The following SMARCC2 variants were observed in gnomAD, a reference collection of about 807,000 sequenced individuals.
The protein encoded by SMARCC2 is SWI/SNF complex subunit SMARCC2.
SMARCC2 carries 15 observed loss-of-function variants against 151.3 expected under a neutral mutation model. The observed-to-expected ratio is 0.10, with a 90% CI of 0.07 to 0.15. The LOEUF (loss-of-function observed/expected upper bound fraction) is 0.15. SMARCC2 is among the 10% of genes least tolerant of loss of function. SMARCC2 has a pLI of 1.00. For missense variants in SMARCC2, 1,031 were observed against 1,599.7 expected (o/e 0.64, Z 6.06); for synonymous variants, 590 against 609.5 (o/e 0.97, Z 0.47).
intron 11 of SMARCC2, among the ~76,000 whole-genome samples, chr12:56,180,271 G>T (rs1875910225): frequency 1.3e-5 from 2 of 150,736 alleles, no homozygotes; most frequent in Non-Finnish European, 3.0e-5. Context: ...ACCACGCTCA[G>T]CTAATTTTTT....
In SMARCC2 at chr12:56,181,803, G is replaced by A. The variant is rs1876262218; in HGVS notation, c.741C>T (p.Thr247=). ...VHAKWILDTD[T]FNEWMNEEDY... ...CTTCCTCATTCATCCATTCATTGAA[G>A]GTGTCGGTGTCCAGGATCCACTTTG... The change falls in exon 9 of 29, where the codon ACC becomes ACT. Residue 247 remains threonine (T), a synonymous_variant. Transcript: ENST00000550164. The A allele has an allele frequency of 1.2e-6, 2 of 1,614,090 alleles. No homozygotes were observed. The highest frequency in any genetic ancestry group is 2.7e-5 in the African/African-American group (2 of 75,016).
At chr12:56,163,848 G>T (rs1565888754) in intron 28 of SMARCC2, 83 bp from the exon 29 acceptor site, 1 of 904,558 alleles carries the variant, frequency 1.1e-6, no homozygotes, top group Non-Finnish European at 1.6e-6. Context: ...AGACAGAACC[G>T]GGCATGGCAT....
At chr12:56,170,110 G>A (rs372609484) in intron 23 of SMARCC2, 34 bp downstream of exon 23, 13 of 1,581,760 alleles carry the variant, frequency 8.2e-6, no homozygotes, top group Non-Finnish European at 8.7e-6. Flanking sequence ...AGTGCTGCAC[G>A]CAGCCCCTGC....
chr12:56,181,349 T>G, intron 10 of SMARCC2, 133 bp downstream of exon 10: 1 of 662,728 alleles, frequency 1.5e-6, no homozygotes, highest in Non-Finnish European at 2.6e-6. Context: ...TCATCTTCCC[T>G]CTCAGGACAC....
Position 56,164,505 on chromosome 12 carries a change from A to T in SMARCC2, c.3459T>A (p.His1153Gln), listed in dbSNP as rs1318168873. The T allele has an allele frequency of 6.2e-7, 1 of 1,613,944 alleles. No individual in the cohort carries two copies. Among genetic ancestry groups the T allele is most frequent in the Non-Finnish European group, 8.5e-7 (1 of 1,180,036 alleles). Residue 1153 changes from histidine (H) to glutamine (Q), a missense_variant, in exon 28 of 29, where the codon CAT becomes CAA. Around this residue, in one of 12 missense-constraint regions of SMARCC2, gnomAD observed 310 missense variants for 350.0 expected, o/e 0.89. Coordinates refer to ENST00000550164, the MANE Select transcript of SMARCC2 (RefSeq NM_001330288.2). ...APPNLHGHHH[H>Q]LPFAPGTLPP... is the part of the protein sequence containing the mutation. ...GGAGAGTGCCCGGGGCGAACGGGAG[A>T]TGGTGGTGATGCCCATGCAGGTTAG...
At chr12:56,179,586 C>G (rs1401107090) in intron 11 of SMARCC2, among the ~76,000 whole-genome samples, 1 of 152,138 alleles carries the variant, frequency 6.6e-6, no homozygotes, top group East Asian at 1.9e-4. Context: ...GACTGTAAAC[C>G]AGTATTGGTG....
intron 5 of SMARCC2, 22 bp from the exon 6 acceptor site, chr12:56,184,266 G>A (rs759004706): frequency 8.8e-6 from 14 of 1,587,276 alleles, no homozygotes; most frequent in Admixed American, 8.4e-5. Context: ...AAGGAGAAGC[G>A]GGTAAATTAT....
chr12:56,168,763 G>C (rs550074886), intron 25 of SMARCC2, among the ~76,000 whole-genome samples: 2 of 152,248 alleles, frequency 1.3e-5, no homozygotes, highest in East Asian at 3.9e-4. Flanking sequence ...CAGATCACTT[G>C]AGTCCAGGAG....
chr12:56,182,861 T>A (rs972717177), intron 7 of SMARCC2, among the ~76,000 whole-genome samples: 6 of 148,264 alleles, frequency 4.0e-5, no homozygotes, highest in African/African-American at 1.3e-4. Context: ...TGAGACAGGG[T>A]CTTGCTCTAT....
intron 14 of SMARCC2, 71 bp from the exon 15 acceptor site, chr12:56,178,164 A>C (rs528191528): frequency 2.4e-6 from 3 of 1,272,848 alleles, no homozygotes; most frequent in Non-Finnish European, 3.3e-6. Context: ...AGGGAGGAAA[A>C]GCCTAGAAGG....
chr12:56,164,284 C>T lies in SMARCC2; in HGVS notation c.3661+19G>A, dbSNP rs924470284. 5 of 1,609,646 alleles carry T rather than the reference C, an allele frequency of 3.1e-6. No homozygotes were observed. Among genetic ancestry groups the T allele is most frequent in the Non-Finnish European group, 4.2e-6 (5 of 1,178,968 alleles). On this transcript the variant is annotated intron_variant, in intron 28 of 28. Coordinates refer to ENST00000550164, the MANE Select transcript of SMARCC2 (RefSeq NM_001330288.2). ...GGACCCCTCTCCCTCACCCTTCTCC[C>T]CTCTTGGCCCCTTCTCACCTGGCAG...
Position 56,183,518 on chromosome 12 carries a change from T to C in SMARCC2, c.632+343A>G, listed in dbSNP as rs934737647. On this transcript the variant is annotated intron_variant, in intron 7 of 28. Coordinates refer to ENST00000550164, the MANE Select transcript of SMARCC2 (RefSeq NM_001330288.2). Reference sequence around the variant, plus strand: ...ATAATATTCACTTATAAATTATCCATGTTATATCACTTTAAAGACTGCATA... The same window carrying C: ...ATAATATTCACTTATAAATTATCCACGTTATATCACTTTAAAGACTGCATA... The C allele has an allele frequency of 1.6e-5, 3 of 185,716 alleles. No homozygotes were observed. The Admixed American group carries it at 1.6e-4, about 10-fold the overall frequency. The allele number at this position is 185,716 out of a possible 1,614,324, so 11.5% of individuals were successfully genotyped here. A position where few individuals can be genotyped will look rare whatever the true frequency, so the allele number is the denominator to read the frequency against.
intron 15 of SMARCC2, among the ~76,000 whole-genome samples, chr12:56,176,196 C>T (rs765416864): frequency 1.3e-5 from 2 of 152,192 alleles, no homozygotes; most frequent in Non-Finnish European, 2.9e-5. Context: ...GTTCCTACTC[C>T]AACCCTGCCT....
intron 1 of SMARCC2, 38 bp from the exon 2 acceptor site, chr12:56,187,344 C>T (rs1218284334): frequency 6.3e-7 from 1 of 1,597,228 alleles, no homozygotes; most frequent in Non-Finnish European, 8.6e-7. Flanking sequence ...AAATAGATCT[C>T]AGATAAATTG....
chr12:56,172,366 G>C, intron 20 of SMARCC2, 62 bp downstream of exon 20: 3 of 1,431,282 alleles, frequency 2.1e-6, no homozygotes, highest in Non-Finnish European at 2.8e-6. Context: ...ACAGGCGTGA[G>C]CCTCTACACG....
At position 56,186,215 on chromosome 12, in the gene SMARCC2, G is replaced by A. The variant is rs748856266; in HGVS notation, c.257C>T (p.Ala86Val). The change falls in exon 3 of 29, where the codon GCG becomes GTG. Residue 86 changes from alanine (A) to valine (V), a missense_variant. This residue lies in a region of SMARCC2 where 22 missense variants were observed against 23.4 expected (regional missense o/e 0.94). Transcript: ENST00000550164. ...AAGAATGTGGCACAAGGAGCCTCCC[G>A]CTTTGAAATCTAGGAAACATTTGAT... ...LPIKCFLDFK[A>V]GGSLCHILAA... The A allele has an allele frequency of 8.1e-6, 13 of 1,611,886 alleles. No homozygotes were observed. The highest frequency in any genetic ancestry group is 2.2e-5 in the East Asian group (1 of 44,886).
Position 56,186,432 on chromosome 12 carries a change from C to T in SMARCC2, c.232-192G>A, listed in dbSNP as rs569228430. 6.6e-5 allele frequency among the ~76,000 whole-genome samples: 10 copies of T among 150,616 alleles called. No homozygotes were observed. The South Asian group carries it at 1.9e-3, about 28-fold the overall frequency. ...ATGGCGCGATCTTGGCTCACTGCAA[C>T]CTCTGCCTCCCAGGTTCAAGCAATT... On this transcript the variant is annotated intron_variant, in intron 2 of 28. Coordinates refer to ENST00000550164, the MANE Select transcript of SMARCC2 (RefSeq NM_001330288.2).
At chr12:56,186,538 C>T (rs564118846) in intron 2 of SMARCC2, 5 of 341,632 alleles carry the variant, frequency 1.5e-5, no homozygotes, top group Admixed American at 8.9e-5. Flanking sequence ...TTAGTAGAGA[C>T]GGGGTTTCTC....
chr12:56,171,601 G>A lies in SMARCC2; in HGVS notation c.2185+78C>T, dbSNP rs1464130160. On this transcript the variant is annotated intron_variant, in intron 21 of 28. Transcript: ENST00000550164. This position sits in a 1 kb window ranked among gnomAD's most constrained non-coding sequence, Gnocchi z 4.2. ...CAAGGCCAGCAGGGCAGCCAAACTT[G>A]AGAGGATTCACAGTCTGAGTAACTA... The A allele has an allele frequency of 5.3e-6, 8 of 1,509,410 alleles. No individual in the cohort carries two copies. Among genetic ancestry groups the A allele is most frequent in the Non-Finnish European group, 6.2e-6 (7 of 1,123,716 alleles). The allele number at this position is 1,509,410 out of a possible 1,614,324, so 93.5% of individuals were successfully genotyped here.
Sources: allele counts gnomAD v4.1 joint callset (sites outside exome capture counted in the v4.1 genomes callset), GRCh38; gene constraint gnomAD v4.1.1; regional missense constraint gnomAD v4.1.1; non-coding constraint Gnocchi (gnomAD v3.1); transcripts MANE v1.5; gene names NCBI Gene and HGNC (gene_info 2026-07-23, HGNC 2026-07-21).